The following FAAH2 variants were observed in gnomAD, a reference collection of about 807,000 sequenced individuals.
FAAH2 encodes the protein fatty acid amide hydrolase 2, also known as fatty-acid amide hydrolase 2.
A neutral mutation model predicts 36.9 loss-of-function variants in FAAH2; 60 were observed. The observed-to-expected ratio is 1.63, with a 90% confidence interval of 1.32 to 2.02. FAAH2 has a LOEUF of 2.02. Among genes scored for constraint, FAAH2 ranks in the 30% most tolerant of loss-of-function variants. The probability of loss-of-function intolerance (pLI) is 0.00; values close to 1 mark genes in which losing one functional copy is unlikely to be tolerated. For missense variants in FAAH2, 689 were observed against 397.5 expected (o/e 1.73, Z -6.23); for synonymous variants, 214 against 143.8 (o/e 1.49, Z -3.49).
At chrX:57,240,586 A>T in the FAAH2 span, among the ~76,000 whole-genome samples, 3 of 112,129 alleles carry the variant, frequency 2.7e-5, no homozygotes, top group Non-Finnish European at 5.6e-5. Flanking sequence ...GCAAGTGCAC[A>T]CAGTCTCCAC....
the FAAH2 span, among the ~76,000 whole-genome samples, chrX:57,267,282 C>T: frequency 8.8e-6 from 1 of 113,035 alleles, no homozygotes; most frequent in South Asian, 3.6e-4. Context: ...CTACTTCCCC[C>T]ATCCCAGCCT....
chrX:57,124,433 A>G, the FAAH2 span, among the ~76,000 whole-genome samples: 11 of 111,811 alleles, frequency 9.8e-5, no homozygotes, highest in African/African-American at 3.3e-4. Flanking sequence ...GAAGTCAGGT[A>G]GCGTGATGCC....
At chrX:57,145,323 A>G in the FAAH2 span, among the ~76,000 whole-genome samples, 1 of 110,643 alleles carries the variant, frequency 9.0e-6, no homozygotes, top group African/African-American at 3.3e-5. Flanking sequence ...GATGTTGATC[A>G]TTTTTTATGT....
the FAAH2 span, among the ~76,000 whole-genome samples, chrX:57,270,641 C>T: frequency 8.9e-6 from 1 of 111,804 alleles, no homozygotes; most frequent in Non-Finnish European, 1.9e-5. Flanking sequence ...CCCGGTTCAT[C>T]TCAATGGGAC....
chrX:57,212,815 T>C, the FAAH2 span, among the ~76,000 whole-genome samples: 5 of 111,994 alleles, frequency 4.5e-5, no homozygotes, highest in African/African-American at 1.6e-4. Flanking sequence ...TTGACTAACT[T>C]TAATATCAGT....
chrX:57,454,709 G>A (rs1339062262), intron 10 of FAAH2, among the ~76,000 whole-genome samples: 1 of 111,721 alleles, frequency 9.0e-6, no homozygotes, highest in Non-Finnish European at 1.9e-5. Context: ...GAATCTCTGA[G>A]CTGGAAGACC....
chrX:57,335,014 C>G (rs1465279662), intron 4 of FAAH2, among the ~76,000 whole-genome samples: 4 of 111,811 alleles, frequency 3.6e-5, no homozygotes, highest in Non-Finnish European at 7.5e-5. Flanking sequence ...TAGATATCTA[C>G]AGAACTCTCC....
chrX:57,384,235 A>G (rs1482401319), intron 7 of FAAH2, among the ~76,000 whole-genome samples: 1 of 107,533 alleles, frequency 9.3e-6, no homozygotes, highest in Non-Finnish European at 1.9e-5. Context: ...AAGAAAACCT[A>G]GGCAATACCA....
Position 57,466,156 on chromosome X carries a change from C to CTCTCTATA in FAAH2, c.1423+17439_1423+17440insCTCTATAT, listed in dbSNP as rs1287266105. Among the ~76,000 whole-genome samples the CTCTCTATA allele has an allele frequency of 6.8e-3, 452 of 66,375 alleles. 4 individuals are homozygous for CTCTCTATA. The highest frequency in any genetic ancestry group is 0.02 in the African/African-American group (348 of 17,072). 57.6% of individuals were successfully genotyped at this position (66,375 alleles called of 115,157 possible). ...TCTCTCTCTCTCTCTCTCTCTCTCT[C>CTCTCTATA]TATATATATATATATATATATATAC... On this transcript the variant is annotated intron_variant, in intron 10 of 10. Transcript: ENST00000374900.
At chrX:57,205,206 A>G in the FAAH2 span, among the ~76,000 whole-genome samples, 3 of 112,935 alleles carry the variant, frequency 2.7e-5, no homozygotes, top group South Asian at 3.6e-4. Context: ...CCATTTTGCA[A>G]GTTGGACATC....
the FAAH2 span, among the ~76,000 whole-genome samples, chrX:57,218,938 TC>T: frequency 3.6e-5 from 4 of 111,850 alleles, no homozygotes; most frequent in East Asian, 1.1e-3. Flanking sequence ...TGTAAGATTG[TC>T]CCCATGGCCT....
intron 8 of FAAH2, among the ~76,000 whole-genome samples, chrX:57,436,201 G>T (rs1302038820): frequency 9.1e-6 from 1 of 110,347 alleles, no homozygotes; most frequent in African/African-American, 3.3e-5. Flanking sequence ...AAATTCTGTG[G>T]GATAAAGAAA....
At chrX:57,450,377 A>T (rs920221298) in intron 10 of FAAH2, among the ~76,000 whole-genome samples, 1 of 110,989 alleles carries the variant, frequency 9.0e-6, no homozygotes, top group African/African-American at 3.3e-5. Flanking sequence ...GTAAAACCTG[A>T]GGAAACTGAA....
chrX:57,269,429 C>T, the FAAH2 span, among the ~76,000 whole-genome samples: 1 of 111,493 alleles, frequency 9.0e-6, no homozygotes, highest in African/African-American at 3.3e-5. Flanking sequence ...ATACATTTTT[C>T]TCACCACCAC....
At chrX:57,415,240 TC>T (rs1364333162) in intron 7 of FAAH2, among the ~76,000 whole-genome samples, 1 of 111,177 alleles carries the variant, frequency 9.0e-6, no homozygotes, top group Non-Finnish European at 1.9e-5. Context: ...TCTGCACTGA[TC>T]TTAGTTATTT....
intron 3 of FAAH2, among the ~76,000 whole-genome samples, chrX:57,325,554 TG>T (rs2146970227): frequency 9.1e-6 from 1 of 109,608 alleles, no homozygotes; most frequent in Admixed American, 9.8e-5. Flanking sequence ...AACTTCTTCC[TG>T]GTTTAGTCTT....
At chrX:57,368,175 C>T (rs1016327593) in intron 5 of FAAH2, among the ~76,000 whole-genome samples, 2 of 110,950 alleles carry the variant, frequency 1.8e-5, no homozygotes, top group Admixed American at 9.6e-5. Flanking sequence ...AAGCCTGGCT[C>T]CAGCAAAACA....
chrX:57,255,812 C>G, the FAAH2 span, among the ~76,000 whole-genome samples: 2 of 111,554 alleles, frequency 1.8e-5, no homozygotes, highest in Admixed American at 1.9e-4. Flanking sequence ...AACCCACAAC[C>G]GATATCATAT....
chrX:57,237,316 ATTTGT>A, the FAAH2 span, among the ~76,000 whole-genome samples: 6 of 110,874 alleles, frequency 5.4e-5, no homozygotes, highest in Admixed American at 3.8e-4. Context: ...CTCCTTTTTT[ATTTGT>A]TTTATTTTTT....
Sources: allele counts gnomAD v4.1 joint callset (sites outside exome capture counted in the v4.1 genomes callset), GRCh38; gene constraint gnomAD v4.1.1; transcripts MANE v1.5; gene names NCBI Gene and HGNC (gene_info 2026-07-23, HGNC 2026-07-21).